Variants in KRTAP9-3 observed in about 807,000 individuals in gnomAD.
KRTAP9-3 encodes the protein keratin associated protein 9-3.
In KRTAP9-3, 12 loss-of-function variants were observed where a neutral mutation model predicts 13.0. The ratio of observed to expected loss-of-function variants is 0.93; its 90% CI spans 0.59 to 1.50. KRTAP9-3 has a LOEUF of 1.50. Among genes scored for constraint, KRTAP9-3 ranks in the 40% most tolerant of loss-of-function variants. The pLI, the probability that KRTAP9-3 is intolerant of heterozygous loss-of-function variation, is 0.00. For missense variants in KRTAP9-3, 232 were observed against 195.2 expected, an observed-to-expected ratio of 1.19 and a Z score of -1.12; for synonymous variants, 89 against 68.7, an observed-to-expected ratio of 1.29 and a Z score of -1.46.
rs2015876984 is a variant in KRTAP9-3 at position 41,232,724 on chromosome 17, T to G, written c.223T>G (p.Cys75Gly). The change falls in exon 1 of 1, where the codon TGC (cysteine) becomes GGC (glycine). Residue 75 changes from cysteine to glycine, a missense_variant. By Grantham distance (159) the Cys-to-Gly change is radical (BLOSUM62 -3). Transcript: ENST00000411528. The part of the protein sequence containing the change: ...ICVTSCCQPS[C>G]CSTPCCQPTC... ...TGTGACCAGCTGCTGCCAGCCTTCCTGCTGTAGCACACCCTGCTGCCAGCC... is the reference window on the plus strand; with the variant it reads ...TGTGACCAGCTGCTGCCAGCCTTCCGGCTGTAGCACACCCTGCTGCCAGCC... 6.2e-7 allele frequency: 1 copy of G among 1,608,542 alleles called. No individual in the cohort carries two copies. Among genetic ancestry groups the G allele is most frequent in the Non-Finnish European group, 8.5e-7 (1 of 1,179,962 alleles).
Position 41,233,200 on chromosome 17 carries a change from G to A in KRTAP9-3, c.*219G>A. On this transcript the variant is annotated 3_prime_UTR_variant, in exon 1 of 1. Coordinates refer to ENST00000411528, the MANE Select transcript of KRTAP9-3 (RefSeq NM_031962.3). ...CTTACACCTTGTGGATCATGTGCCA[G>A]CTTCGTCTGTTCTTAATTTGGAGTC... is the stretch of plus-strand genomic sequence containing the variant. The A allele has an allele frequency of 1.2e-6, 1 of 825,986 alleles. No individual in the cohort carries two copies. Among genetic ancestry groups the A allele is most frequent in the Non-Finnish European group, 1.9e-6 (1 of 535,116 alleles). The allele number at this position is 825,986 out of a possible 1,614,324, so 51.2% of individuals were successfully genotyped here.
Position 41,232,634 on chromosome 17 carries a change from C to G in KRTAP9-3, c.133C>G (p.Pro45Ala). 6 of 1,603,862 alleles carry G rather than the reference C, an allele frequency of 3.7e-6. No individual in the cohort carries two copies. The highest frequency in any genetic ancestry group is 4.2e-6 in the Non-Finnish European group (5 of 1,176,650). Residue 45 changes from proline to alanine, a missense_variant, in exon 1 of 1, where the codon CCT (proline) becomes GCT (alanine). Pro to Ala is a conservative substitution (Grantham distance 27). Coordinates refer to ENST00000411528, the MANE Select transcript of KRTAP9-3 (RefSeq NM_031962.3). ...PSCCVSSCCQ[P>A]CCHPTCCQNT... The stretch of plus-strand genomic sequence containing the variant: ...CTGCTGTGTTTCCAGCTGCTGCCAG[C>G]CTTGCTGCCACCCAACTTGCTGTCA...
Position 41,233,111 on chromosome 17 carries a change from A to T in KRTAP9-3, c.*130A>T, listed in dbSNP as rs142516589. 12 of 1,446,922 alleles carry T rather than the reference A, an allele frequency of 8.3e-6. No homozygotes were observed. In the South Asian group the frequency reaches 1.6e-4, roughly 19 times the overall value. The allele number at this position is 1,446,922 out of a possible 1,614,324, so 89.6% of individuals were successfully genotyped here. ...ACCCAAATTTTTATGAATTCTCTAC[A>T]TGTTTAAAATCTTGGGAATCTGCTT... On this transcript the variant is annotated 3_prime_UTR_variant, in exon 1 of 1. Transcript: ENST00000411528.
chr17:41,232,739 T>C lies in KRTAP9-3; in HGVS notation c.238T>C (p.Cys80Arg), dbSNP rs371187451. 1.9e-5 allele frequency: 31 copies of C among 1,607,898 alleles called. 1 individual carries two copies. Among genetic ancestry groups the C allele is most frequent in the South Asian group, 1.5e-4 (14 of 91,050 alleles). Residue 80 changes from cysteine (C) to arginine (R), a missense_variant, in exon 1 of 1, where the codon TGC becomes CGC. Transcript: ENST00000411528. Reference protein sequence around the residue: ...CCQPSCCSTPCCQPTCCGSSC... With the variant: ...CCQPSCCSTPRCQPTCCGSSC... ...CCAGCCTTCCTGCTGTAGCACACCC[T>C]GCTGCCAGCCCACATGCTGTGGGTC...
rs1201871739 is a variant in KRTAP9-3, at chr17:41,233,068, G to A, written c.*87G>A. ...TGAGGGACTAATTTACTTTGCTGCT[G>A]ACAGCCACCATGCTCTCACCCAAAT... is the stretch of plus-strand genomic sequence containing the variant. On this transcript the variant is annotated 3_prime_UTR_variant, in exon 1 of 1. Transcript: ENST00000411528. 7.0e-6 allele frequency: 11 copies of A among 1,565,202 alleles called. 1 individual carries two copies. The highest frequency in any genetic ancestry group is 9.5e-6 in the Non-Finnish European group (11 of 1,156,880).
Position 41,232,784 on chromosome 17 carries a change from T to A in KRTAP9-3, c.283T>A (p.Ser95Thr). The change falls in exon 1 of 1, where the codon TCC becomes ACC. Residue 95 changes from serine (S) to threonine (T), a missense_variant. Ser to Thr is a moderately conservative substitution (Grantham distance 58). Transcript: ENST00000411528. The stretch of plus-strand genomic sequence containing the variant: ...TGGGTCCAGCTGTGGTCAGAGCAGC[T>A]CCTGTGCACCTGTGTACTGCAGAAG... The part of the protein sequence containing the change: ...CCGSSCGQSS[S>T]CAPVYCRRTC... 1 of 1,607,520 alleles carries A rather than the reference T, an allele frequency of 6.2e-7. No individual in the cohort carries two copies. Among genetic ancestry groups the A allele is most frequent in the Non-Finnish European group, 8.5e-7 (1 of 1,179,924 alleles).
rs150841860 is a variant in KRTAP9-3 at position 41,232,537 on chromosome 17, C to G, written c.36C>G (p.Thr12=). 44 of 1,606,004 alleles carry G rather than the reference C, an allele frequency of 2.7e-5. No individual in the cohort carries two copies. The South Asian group carries it at 3.4e-4, about 12-fold the overall frequency. The change falls in exon 1 of 1, where the codon ACC becomes ACG. Residue 12 remains threonine (T), a synonymous_variant. Coordinates refer to ENST00000411528, the MANE Select transcript of KRTAP9-3 (RefSeq NM_031962.3). ...THCCSPCCQP[T]CCRTTCWQPT... is the part of the protein sequence containing the mutation. ...GTTGCTCCCCTTGCTGTCAGCCTAC[C>G]TGCTGCAGGACCACCTGCTGGCAGC...
At position 41,233,006 on chromosome 17, in the gene KRTAP9-3, C is replaced by G. The variant is rs746885714; in HGVS notation, c.*25C>G. The G allele has an allele frequency of 6.2e-7, 1 of 1,606,838 alleles. No individual in the cohort carries two copies. The highest frequency in any genetic ancestry group is 1.4e-5 in the African/African-American group (1 of 69,856). On this transcript the variant is annotated 3_prime_UTR_variant, in exon 1 of 1. Transcript: ENST00000411528. ...ATCAACTCCCAAGAGAACTACCATC[C>G]TCACACAACAACCTTCAGCTCAACT...
In KRTAP9-3 at chr17:41,233,350, T is replaced by C; in HGVS notation, c.*369T>C. 3.0e-6 allele frequency: 1 copy of C among 338,506 alleles called. No individual in the cohort carries two copies. Among genetic ancestry groups the C allele is most frequent in the Admixed American group, 4.6e-5 (1 of 21,584 alleles). 21.0% of individuals were successfully genotyped at this position (338,506 alleles called of 1,614,324 possible). On this transcript the variant is annotated 3_prime_UTR_variant, in exon 1 of 1. Coordinates refer to ENST00000411528, the MANE Select transcript of KRTAP9-3 (RefSeq NM_031962.3). ...ATTTTAAATATCCTTCTCATGGTTCTTGTATCCTTCTTTCTTCTTTTCACG... is the reference window on the plus strand; with the variant it reads ...ATTTTAAATATCCTTCTCATGGTTCCTGTATCCTTCTTTCTTCTTTTCACG...
At position 41,233,126 on chromosome 17, in the gene KRTAP9-3, G is replaced by A; in HGVS notation, c.*145G>A. 8.1e-7 allele frequency: 1 copy of A among 1,232,476 alleles called. No homozygotes were observed. The highest frequency in any genetic ancestry group is 1.1e-6 in the Non-Finnish European group (1 of 902,216). 76.3% of individuals were successfully genotyped at this position (1,232,476 alleles called of 1,614,324 possible). On this transcript the variant is annotated 3_prime_UTR_variant, in exon 1 of 1. Coordinates refer to ENST00000411528, the MANE Select transcript of KRTAP9-3 (RefSeq NM_031962.3). ...AATTCTCTACATGTTTAAAATCTTGGGAATCTGCTTGAGGGAGGGCAGAAT... is the reference window on the plus strand; with the variant it reads ...AATTCTCTACATGTTTAAAATCTTGAGAATCTGCTTGAGGGAGGGCAGAAT...
chr17:41,233,284 G>A lies in KRTAP9-3; in HGVS notation c.*303G>A. On this transcript the variant is annotated 3_prime_UTR_variant, in exon 1 of 1. Coordinates refer to ENST00000411528, the MANE Select transcript of KRTAP9-3 (RefSeq NM_031962.3). Reference sequence around the variant, plus strand: ...TCATTCTTTGCTTCTAAGGAATTTAGGTTTCTGCAACTGATCAATCATCTT... The same window carrying A: ...TCATTCTTTGCTTCTAAGGAATTTAAGTTTCTGCAACTGATCAATCATCTT... The A allele has an allele frequency of 2.0e-6, 1 of 505,716 alleles. No individual in the cohort carries two copies. Among genetic ancestry groups the A allele is most frequent in the Admixed American group, 3.7e-5 (1 of 26,854 alleles). 31.3% of individuals were successfully genotyped at this position (505,716 alleles called of 1,614,324 possible). A position where few individuals can be genotyped will look rare whatever the true frequency, so the allele number is the denominator to read the frequency against.
In KRTAP9-3 at chr17:41,232,640, T is replaced by A; in HGVS notation, c.139T>A (p.Cys47Ser). Residue 47 changes from cysteine (C) to serine (S), a missense_variant, in exon 1 of 1, where the codon TGC becomes AGC. Coordinates refer to ENST00000411528, the MANE Select transcript of KRTAP9-3 (RefSeq NM_031962.3). ...TGTTTCCAGCTGCTGCCAGCCTTGC[T>A]GCCACCCAACTTGCTGTCAAAACAC... ...CCVSSCCQPC[C>S]HPTCCQNTCC... 6 of 1,608,202 alleles carry A rather than the reference T, an allele frequency of 3.7e-6. No homozygotes were observed. Among genetic ancestry groups the A allele is most frequent in the Non-Finnish European group, 4.2e-6 (5 of 1,179,902 alleles).
Position 41,232,592 on chromosome 17 carries a change from C to T in KRTAP9-3, c.91C>T (p.Pro31Ser), listed in dbSNP as rs781670922. 180 of 1,603,796 alleles carry T rather than the reference C, an allele frequency of 1.1e-4. 2 individuals are homozygous for T. Among genetic ancestry groups the T allele is most frequent in the Non-Finnish European group, 1.4e-4 (169 of 1,177,060 alleles). The change falls in exon 1 of 1, where the codon CCC becomes TCC. Residue 31 changes from proline to serine, a missense_variant. Physicochemically the swap from Pro to Ser is moderately conservative, Grantham distance 74. Coordinates refer to ENST00000411528, the MANE Select transcript of KRTAP9-3 (RefSeq NM_031962.3). ...PTTVTTCSST[P>S]CCQPSCCVSS... ...CACTGTGACCACCTGCAGCAGCACACCCTGCTGTCAGCCCTCCTGCTGTGT... is the reference window on the plus strand; with the variant it reads ...CACTGTGACCACCTGCAGCAGCACATCCTGCTGTCAGCCCTCCTGCTGTGT...
chr17:41,232,520 C>A lies in KRTAP9-3; in HGVS notation c.19C>A (p.Pro7Thr), dbSNP rs1289288633. The A allele has an allele frequency of 6.2e-7, 1 of 1,605,998 alleles. No homozygotes were observed. Among genetic ancestry groups the A allele is most frequent in the Non-Finnish European group, 8.5e-7 (1 of 1,179,636 alleles). Residue 7 changes from proline to threonine, a missense_variant, in exon 1 of 1, where the codon CCT becomes ACT. Coordinates refer to ENST00000411528, the MANE Select transcript of KRTAP9-3 (RefSeq NM_031962.3). MTHCCS[P>T]CCQPTCCRTT... ...TGACACCATGACCCACTGTTGCTCC[C>A]CTTGCTGTCAGCCTACCTGCTGCAG...
rs1284943641 is a variant in KRTAP9-3 at position 41,232,655 on chromosome 17, T to C, written c.154T>C (p.Cys52Arg). The part of the protein sequence containing the change: ...CCQPCCHPTC[C>R]QNTCCRTTCC... ...CCAGCCTTGCTGCCACCCAACTTGC[T>C]GTCAAAACACCTGCTGTAGGACCAC... Residue 52 changes from cysteine (C) to arginine (R), a missense_variant, in exon 1 of 1, where the codon TGT becomes CGT. Transcript: ENST00000411528. 6.2e-7 allele frequency: 1 copy of C among 1,608,296 alleles called. No individual in the cohort carries two copies. The highest frequency in any genetic ancestry group is 8.5e-7 in the Non-Finnish European group (1 of 1,179,922).
At position 41,232,872 on chromosome 17, in the gene KRTAP9-3, A is replaced by T; in HGVS notation, c.371A>T (p.Asn124Ile). The T allele has an allele frequency of 6.3e-7, 1 of 1,598,680 alleles. No homozygotes were observed. Among genetic ancestry groups the T allele is most frequent in the Non-Finnish European group, 8.5e-7 (1 of 1,177,336 alleles). Residue 124 changes from asparagine to isoleucine, a missense_variant, in exon 1 of 1, where the codon AAC (asparagine) becomes ATC (isoleucine). Coordinates refer to ENST00000411528, the MANE Select transcript of KRTAP9-3 (RefSeq NM_031962.3). ...PGCLNQSCGS[N>I]CCQPCCRPAC... ...TGCCTAAACCAGAGCTGTGGCTCCA[A>T]CTGCTGCCAGCCCTGCTGCCGCCCA...
At position 41,232,826 on chromosome 17, in the gene KRTAP9-3, A is replaced by G. The variant is rs909019574; in HGVS notation, c.325A>G (p.Thr109Ala). The G allele has an allele frequency of 2.2e-5, 35 of 1,607,428 alleles. No homozygotes were observed. The highest frequency in any genetic ancestry group is 2.9e-5 in the Non-Finnish European group (34 of 1,179,908). ...CTGCAGAAGAACCTGCTACCACCCC[A>G]CAAGTGTTTGTCTGCCTGGTTGCCT... ...VYCRRTCYHP[T>A]SVCLPGCLNQ... is the part of the protein sequence containing the mutation. The change falls in exon 1 of 1, where the codon ACA becomes GCA. Residue 109 changes from threonine to alanine, a missense_variant. By Grantham distance (58) the Thr-to-Ala change is moderately conservative. Transcript: ENST00000411528.
Position 41,232,736 on chromosome 17 carries a change from C to A in KRTAP9-3, c.235C>A (p.Pro79Thr), listed in dbSNP as rs368191159. The A allele has an allele frequency of 6.2e-7, 1 of 1,607,500 alleles. No homozygotes were observed. The highest frequency in any genetic ancestry group is 8.5e-7 in the Non-Finnish European group (1 of 1,179,772). ...SCCQPSCCST[P>T]CCQPTCCGSS... ...CTGCCAGCCTTCCTGCTGTAGCACACCCTGCTGCCAGCCCACATGCTGTGG... is the reference window on the plus strand; with the variant it reads ...CTGCCAGCCTTCCTGCTGTAGCACAACCTGCTGCCAGCCCACATGCTGTGG... Residue 79 changes from proline to threonine, a missense_variant, in exon 1 of 1, where the codon CCC becomes ACC. Transcript: ENST00000411528.
chr17:41,232,649 A>G lies in KRTAP9-3; in HGVS notation c.148A>G (p.Thr50Ala). The change falls in exon 1 of 1, where the codon ACT becomes GCT. Residue 50 changes from threonine to alanine, a missense_variant. By Grantham distance (58) the Thr-to-Ala change is moderately conservative (BLOSUM62 0). Transcript: ENST00000411528. ...SSCCQPCCHPTCCQNTCCRTT... is the reference protein window; with the variant it reads ...SSCCQPCCHPACCQNTCCRTT... ...CTGCTGCCAGCCTTGCTGCCACCCA[A>G]CTTGCTGTCAAAACACCTGCTGTAG... is the stretch of plus-strand genomic sequence containing the variant. 1 of 1,606,024 alleles carries G rather than the reference A, an allele frequency of 6.2e-7. No homozygotes were observed. The highest frequency in any genetic ancestry group is 8.5e-7 in the Non-Finnish European group (1 of 1,179,472).
Sources: allele counts gnomAD v4.1 joint callset, GRCh38; gene constraint gnomAD v4.1.1; transcripts MANE v1.5; gene names NCBI Gene and HGNC (gene_info 2026-07-23, HGNC 2026-07-21).